Variants in DNAAF11 observed in about 807,000 individuals in gnomAD.
DNAAF11 encodes the protein leucine rich repeat containing 6.
Under a neutral mutation model 60.8 loss-of-function variants are expected in DNAAF11, and 45 were observed. That is an observed-to-expected ratio of 0.74 (90% CI 0.58 to 0.95). The LOEUF (loss-of-function observed/expected upper bound fraction) is 0.95, where lower values mean the gene tolerates loss of function less well. Among genes scored for constraint, DNAAF11 ranks in the 40% least tolerant of loss-of-function variants. The pLI, the probability that DNAAF11 is intolerant of heterozygous loss-of-function variation, is 0.00. For missense variants in DNAAF11, 546 were observed against 546.2 expected (o/e 1.00, Z 0.00); for synonymous variants, 191 against 183.5 (o/e 1.04, Z -0.33).
At chr8:132,640,497 A>G (rs1453115409) in intron 3 of DNAAF11, among the ~76,000 whole-genome samples, 1 of 152,060 alleles carries the variant, frequency 6.6e-6, no homozygotes, top group African/African-American at 2.4e-5. Context: ...CTTATTCTCC[A>G]TTCCTCAACA....
chr8:132,678,816 T>C (rs561251086), upstream of DNAAF11, among the ~76,000 whole-genome samples: 1 of 151,914 alleles, frequency 6.6e-6, no homozygotes, highest in East Asian at 1.9e-4. Flanking sequence ...ATTTTTATTC[T>C]TGAGAAATGA....
intron 10 of DNAAF11, among the ~76,000 whole-genome samples, chr8:132,600,514 C>T (rs1182264335): frequency 6.6e-6 from 1 of 152,222 alleles, no homozygotes; most frequent in Non-Finnish European, 1.5e-5. Context: ...CGCTACCTGA[C>T]TTCAAACTAC....
chr8:132,622,683 T>C lies in DNAAF11; in HGVS notation c.842A>G (p.Lys281Arg). Residue 281 changes from lysine (K) to arginine (R), a missense_variant, in exon 7 of 12, where the codon AAA becomes AGA. By Grantham distance (26) the Lys-to-Arg change is conservative (BLOSUM62 2). Coordinates refer to ENST00000620350, the MANE Select transcript of DNAAF11 (RefSeq NM_012472.6). ...CCTGGGTGGTTTCACTTTCTTCTTT[T>C]TTTCACTTAAGATTGGTGGTGGATG... Reference protein sequence around the residue: ...QRKKQEKLSEKKKKVKPPRTL... With the variant: ...QRKKQEKLSERKKKVKPPRTL... The C allele has an allele frequency of 6.2e-7, 1 of 1,612,574 alleles. No homozygotes were observed. Among genetic ancestry groups the C allele is most frequent in the East Asian group, 2.2e-5 (1 of 44,840 alleles).
At chr8:132,613,339 T>C (rs1818845085) in intron 8 of DNAAF11, among the ~76,000 whole-genome samples, 1 of 152,188 alleles carries the variant, frequency 6.6e-6, no homozygotes, top group Non-Finnish European at 1.5e-5. Context: ...AATGGAATAG[T>C]ATTTGGCCAT....
intron 5 of DNAAF11, among the ~76,000 whole-genome samples, chr8:132,632,175 G>T (rs1820867948): frequency 1.3e-5 from 2 of 151,872 alleles, no homozygotes; most frequent in Non-Finnish European, 2.9e-5. Context: ...AATTTTAAGG[G>T]ATTCTGTTAT....
In DNAAF11 at chr8:132,636,493, C is replaced by A. The variant is rs12677231; in HGVS notation, c.429+1442G>T. Among the ~76,000 whole-genome samples, 3 of 152,300 alleles carry A rather than the reference C, an allele frequency of 2.0e-5. No individual in the cohort carries two copies. The East Asian group carries it at 5.8e-4, about 29-fold the overall frequency. ...TACCTAATTGTCTCCCTGAATGGGT[C>A]TGGGAGGATCAAAAACACTGTGCCC... On this transcript the variant is annotated intron_variant, in intron 4 of 11. Transcript: ENST00000620350.
intron 11 of DNAAF11, chr8:132,578,548 T>C: frequency 7.6e-7 from 1 of 1,312,432 alleles, no homozygotes; most frequent in African/African-American, 1.5e-5. Context: ...TTTAACATCA[T>C]GGAAGTAAGC....
At position 132,671,059 on chromosome 8, in the gene DNAAF11, C is replaced by T. The variant is rs193064943; in HGVS notation, c.10+4425G>A. ...AAAAAGGCCAGGAAATCTGTTCTCA[C>T]CACTTCAACATTATACTGAAGGTTC... On this transcript the variant is annotated intron_variant, in intron 1 of 11. Transcript: ENST00000620350. Among the ~76,000 whole-genome samples, 7 of 152,244 alleles carry T rather than the reference C, an allele frequency of 4.6e-5. No individual in the cohort carries two copies. In the South Asian group the frequency reaches 8.3e-4, roughly 18 times the overall value.
At chr8:132,658,535 A>T (rs1208726274) in intron 2 of DNAAF11, among the ~76,000 whole-genome samples, 1 of 152,038 alleles carries the variant, frequency 6.6e-6, no homozygotes, top group South Asian at 2.1e-4. Context: ...GTTAGCCAGG[A>T]TGGTCTCGAT....
At chr8:132,668,197 G>T (rs1410056295) in intron 1 of DNAAF11, among the ~76,000 whole-genome samples, 1 of 152,188 alleles carries the variant, frequency 6.6e-6, no homozygotes, top group Non-Finnish European at 1.5e-5. Context: ...ACTCTTAAAA[G>T]CAGGATTGTA....
the DNAAF11 span, among the ~76,000 whole-genome samples, chr8:132,700,194 TA>T: frequency 3.9e-5 from 6 of 152,152 alleles, no homozygotes; most frequent in Non-Finnish European, 7.3e-5. Context: ...GCAAGCAAGA[TA>T]AATGTGTTCT....
chr8:132,595,010 G>A (rs994571364), intron 10 of DNAAF11, among the ~76,000 whole-genome samples: 11 of 151,916 alleles, frequency 7.2e-5, no homozygotes, highest in East Asian at 5.8e-4. Context: ...CTGCTGCCAC[G>A]GTCCACGTTT....
intron 1 of DNAAF11, among the ~76,000 whole-genome samples, chr8:132,669,743 T>C (rs1418730148): frequency 2.6e-5 from 4 of 152,072 alleles, no homozygotes; most frequent in African/African-American, 7.2e-5. Context: ...TAAAAATCTA[T>C]ACAAAACATA....
chr8:132,581,851 T>G (rs1368982072), intron 11 of DNAAF11, among the ~76,000 whole-genome samples: 1 of 152,166 alleles, frequency 6.6e-6, no homozygotes, highest in Non-Finnish European at 1.5e-5. Flanking sequence ...CATAGCATCA[T>G]GTAGCAGAGT....
intron 4 of DNAAF11, among the ~76,000 whole-genome samples, chr8:132,636,808 C>G (rs1472958343): frequency 2.0e-5 from 3 of 152,200 alleles, no homozygotes; most frequent in Admixed American, 1.3e-4. Context: ...TATTCAATTA[C>G]TTGAATCACT....
chr8:132,577,743 C>T (rs984953163), intron 11 of DNAAF11, among the ~76,000 whole-genome samples: 1 of 152,182 alleles, frequency 6.6e-6, no homozygotes, highest in African/African-American at 2.4e-5. Context: ...ACTGCAACCT[C>T]CACTTCCTGT....
At chr8:132,585,909 GT>G (rs1342810799) in intron 10 of DNAAF11, among the ~76,000 whole-genome samples, 1 of 152,104 alleles carries the variant, frequency 6.6e-6, no homozygotes, top group Non-Finnish European at 1.5e-5. Flanking sequence ...AAAACAACTT[GT>G]TTTCTTCTTT....
chr8:132,583,269 T>C (rs1815521155), intron 11 of DNAAF11, among the ~76,000 whole-genome samples: 1 of 152,172 alleles, frequency 6.6e-6, no homozygotes, highest in African/African-American at 2.4e-5. Context: ...AGCAAGGTTG[T>C]CCCAGCATGT....
chr8:132,679,400 G>C (rs78848916), upstream of DNAAF11, among the ~76,000 whole-genome samples: 312 of 152,300 alleles, frequency 2.0e-3, 1 homozygote, highest in African/African-American at 7.2e-3. Context: ...CACTTCAGTA[G>C]GATCACCAAC....
Sources: allele counts gnomAD v4.1 joint callset (sites outside exome capture counted in the v4.1 genomes callset), GRCh38; gene constraint gnomAD v4.1.1; transcripts MANE v1.5; gene names NCBI Gene and HGNC (gene_info 2026-07-23, HGNC 2026-07-21).